SLC48A1: variants seen among roughly 807,000 people sequenced by gnomAD.
The protein encoded by SLC48A1 is heme transporter HRG1.
In SLC48A1, 6 loss-of-function variants were observed where a neutral mutation model predicts 14.8. That is an observed-to-expected ratio of 0.41 (90% CI 0.22 to 0.80). The LOEUF is 0.80. SLC48A1 is among the 30% of genes least tolerant of loss of function. The pLI is 0.34. For synonymous variants in SLC48A1, 89 were observed against 90.0 expected, an observed-to-expected ratio of 0.99 and a Z score of 0.06; for missense variants, 165 against 204.8, an observed-to-expected ratio of 0.81 and a Z score of 1.19.
At chr12:47,763,023 C>T (rs1942421705) in intron 2 of SLC48A1, among the ~76,000 whole-genome samples, 1 of 152,206 alleles carries the variant, frequency 6.6e-6, no homozygotes, top group South Asian at 2.1e-4. Flanking sequence ...GGCTCTCCCT[C>T]CCCAGCACAG....
chr12:47,755,116 G>A (rs756964034), upstream of SLC48A1, among the ~76,000 whole-genome samples: 19 of 152,214 alleles, frequency 1.2e-4, no homozygotes, highest in Non-Finnish European at 2.4e-4. Context: ...TTCGTAGCAA[G>A]AGAGAAGTGC....
Position 47,773,276 on chromosome 12 carries a change from GC to G in SLC48A1, c.-26del. On this transcript the variant is annotated 5_prime_UTR_variant, in exon 1 of 3. Coordinates refer to ENST00000442218, the MANE Select transcript of SLC48A1 (RefSeq NM_017842.3). ...GCACCTGTGACTCTCGGCCGCGCTC[GC>G]CCTCGGCCCGCCCGGCGCCGCAGCC... The G allele has an allele frequency of 7.4e-7, 1 of 1,350,716 alleles. No individual in the cohort carries two copies. The highest frequency in any genetic ancestry group is 9.5e-7 in the Non-Finnish European group (1 of 1,047,564). The allele number at this position is 1,350,716 out of a possible 1,614,324, so 83.7% of individuals were successfully genotyped here.
chr12:47,767,524 T>C (rs986957619), upstream of SLC48A1, among the ~76,000 whole-genome samples: 1 of 152,186 alleles, frequency 6.6e-6, no homozygotes, highest in Admixed American at 6.5e-5. Flanking sequence ...GTGGAACTTT[T>C]TGTGGTAAAA....
intron 1 of SLC48A1, among the ~76,000 whole-genome samples, chr12:47,759,494 C>CTGGAGGA (rs376413155): frequency 2.0e-5 from 3 of 152,328 alleles, no homozygotes; most frequent in Admixed American, 6.5e-5. Context: ...CGGGTAGGGG[C>CTGGAGGA]CCTAAGAGGA....
chr12:47,779,051 G>A lies in SLC48A1; in HGVS notation c.160G>A (p.Val54Met), dbSNP rs1458104804. ...LAGVLALWVL[V>M]THVMYMQDYW... ...AGGGGTGCTGGCACTGTGGGTCCTG[G>A]TGACGCACGTGATGTACATGCAAGA... is the stretch of plus-strand genomic sequence containing the variant. Residue 54 changes from valine (V) to methionine (M), a missense_variant, in exon 2 of 3, where the codon GTG becomes ATG. Val to Met is a conservative substitution (Grantham distance 21). Transcript: ENST00000442218. 6.4e-7 allele frequency: 1 copy of A among 1,551,742 alleles called. No homozygotes were observed. Among genetic ancestry groups the A allele is most frequent in the African/African-American group, 1.4e-5 (1 of 73,150 alleles).
intron 2 of SLC48A1, among the ~76,000 whole-genome samples, chr12:47,779,898 G>A (rs770325996): frequency 2.0e-5 from 3 of 152,242 alleles, no homozygotes; most frequent in Non-Finnish European, 2.9e-5. Flanking sequence ...AGGTGGAACA[G>A]TTTCATCCCC....
rs1396229002 is a variant in SLC48A1 at position 47,773,354 on chromosome 12, T to A, written c.50T>A (p.Ile17Asn). The A allele has an allele frequency of 6.8e-6, 10 of 1,475,872 alleles. No individual in the cohort carries two copies. Among genetic ancestry groups the A allele is most frequent in the Admixed American group, 2.5e-5 (1 of 40,816 alleles). 91.4% of individuals were successfully genotyped at this position (1,475,872 alleles called of 1,614,324 possible). A position where few individuals can be genotyped will look rare whatever the true frequency, so the allele number is the denominator to read the frequency against. ...GGCCTCCGCGCCGCCTACTCCGGCA[T>A]CAGCTCCGTGGCCGGCTTCTCCATC... ...QLGLRAAYSG[I>N]SSVAGFSIFL... Residue 17 changes from isoleucine to asparagine, a missense_variant, in exon 1 of 3, where the codon ATC becomes AAC. By Grantham distance (149) the Ile-to-Asn change is moderately radical (BLOSUM62 -3). Coordinates refer to ENST00000442218, the MANE Select transcript of SLC48A1 (RefSeq NM_017842.3).
chr12:47,770,091 G>A (rs142269291), upstream of SLC48A1, among the ~76,000 whole-genome samples: 2 of 152,354 alleles, frequency 1.3e-5, no homozygotes, highest in Non-Finnish European at 2.9e-5. Context: ...AGCAAATGGT[G>A]AAGCTAGGCC....
At chr12:47,778,154 T>C (rs929132030) in intron 1 of SLC48A1, among the ~76,000 whole-genome samples, 2 of 152,260 alleles carry the variant, frequency 1.3e-5, no homozygotes, top group South Asian at 2.1e-4. Flanking sequence ...CAGCAGGCAC[T>C]GCCTGGCACA....
chr12:47,773,204 G>C (rs975867388), upstream of SLC48A1: 31 of 1,032,626 alleles, frequency 3.0e-5, no homozygotes, highest in South Asian at 1.3e-4. Flanking sequence ...GCGGGGCGCC[G>C]GCTGCTCTGG....
At chr12:47,779,000 GA>G (rs1234077126) in intron 1 of SLC48A1, 27 bp from the exon 2 acceptor site, 211 of 1,546,230 alleles carry the variant, frequency 1.4e-4, no homozygotes, top group Non-Finnish European at 1.8e-4. Flanking sequence ...GCACCCTGGG[GA>G]TGGGCCCTGA....
At chr12:47,773,526 G>C in intron 1 of SLC48A1, 86 bp downstream of exon 1, 1 of 1,238,750 alleles carries the variant, frequency 8.1e-7, no homozygotes, top group Non-Finnish European at 1.0e-6. Flanking sequence ...CCCCGCGAGC[G>C]GCGCTTCCCC....
upstream of SLC48A1, chr12:47,773,059 C>G (rs1281157384): frequency 2.2e-6 from 1 of 450,818 alleles, no homozygotes; most frequent in Non-Finnish European, 2.9e-6. Context: ...AGGAATCCGC[C>G]TTTTTAGCAG....
chr12:47,766,081 C>A lies in SLC48A1; in HGVS notation c.-187+5680C>A, dbSNP rs1327951787. ...ACTCAAGTCTCTCTAGGGTGCCATT[C>A]TTGGGGCCCCTGCTCTGGACTAAGC... On this transcript the variant is annotated intron_variant, in intron 2 of 4. Coordinates refer to the SLC48A1 transcript ENST00000547002. 3.9e-5 allele frequency among the ~76,000 whole-genome samples: 6 copies of A among 152,304 alleles called. No individual in the cohort carries two copies. In the East Asian group the frequency reaches 7.7e-4, roughly 20 times the overall value.
At chr12:47,775,016 C>T (rs950688546) in intron 1 of SLC48A1, among the ~76,000 whole-genome samples, 4 of 152,198 alleles carry the variant, frequency 2.6e-5, no homozygotes, top group African/African-American at 9.7e-5. Context: ...GAGGGCCAGC[C>T]TGGGATCTCA....
chr12:47,778,002 G>A (rs1295993730), intron 1 of SLC48A1, among the ~76,000 whole-genome samples: 4 of 152,202 alleles, frequency 2.6e-5, no homozygotes, highest in African/African-American at 7.2e-5. Context: ...AGCGGCCTGA[G>A]TGGCCCACAC....
upstream of SLC48A1, among the ~76,000 whole-genome samples, chr12:47,757,584 G>A (rs948849035): frequency 3.3e-5 from 5 of 152,108 alleles, no homozygotes; most frequent in African/African-American, 9.7e-5. Flanking sequence ...ACTCAATGCC[G>A]GCTCACTGAG....
At chr12:47,754,350 GT>G (rs926843678), upstream of SLC48A1, among the ~76,000 whole-genome samples, 44 of 152,266 alleles carry the variant, frequency 2.9e-4, no homozygotes, top group African/African-American at 9.4e-4. Flanking sequence ...AGATAGACAG[GT>G]TTGTTATTCT....
upstream of SLC48A1, chr12:47,757,935 C>A: frequency 6.4e-7 from 1 of 1,557,190 alleles, no homozygotes; most frequent in Non-Finnish European, 8.7e-7. Context: ...AGCTTCGGGG[C>A]CGGTGCATCC....
Sources: gnomAD v4.1 joint callset for allele counts (sites outside exome capture counted in the v4.1 genomes callset) on GRCh38, gnomAD v4.1.1 for gene constraint, MANE v1.5 for transcripts, NCBI Gene and HGNC (gene_info 2026-07-23, HGNC 2026-07-21) for gene names.